The following FAM210A variants were observed in gnomAD, a reference collection of about 807,000 sequenced individuals.
The protein encoded by FAM210A is mitochondrial inner membrane scaffold 1.
Under a neutral mutation model 25.3 loss-of-function variants are expected in FAM210A, and 13 were observed. The ratio of observed to expected loss-of-function variants is 0.51; its 90% confidence interval spans 0.33 to 0.82. The LOEUF (loss-of-function observed/expected upper bound fraction) is 0.82, where lower values mean the gene tolerates loss of function less well. Ranked by LOEUF, FAM210A falls within the 40% of genes least tolerant of loss-of-function variation. The probability of loss-of-function intolerance (pLI) is 0.02; values close to 1 mark genes in which losing one functional copy is unlikely to be tolerated. For synonymous variants in FAM210A, 125 were observed against 118.7 expected (o/e 1.05, Z -0.35); for missense variants, 319 against 323.2 (o/e 0.99, Z 0.10).
At chr18:13,668,641 TCA>T (rs1242314892) in intron 3 of FAM210A, among the ~76,000 whole-genome samples, 2 of 152,172 alleles carry the variant, frequency 1.3e-5, no homozygotes, top group Non-Finnish European at 2.9e-5. Flanking sequence ...GTGTGAAACT[TCA>T]CAGAGTGTAC....
chr18:13,677,735 C>G (rs148746846), intron 2 of FAM210A, among the ~76,000 whole-genome samples: 271 of 152,188 alleles, frequency 1.8e-3, no homozygotes, highest in Admixed American at 4.1e-3. Flanking sequence ...GAGTTTGCCT[C>G]TTGGTGAAGG....
Position 13,714,196 on chromosome 18 carries a change from G to A in FAM210A, c.-29+12133C>T, listed in dbSNP as rs184573771. 1.2e-4 allele frequency among the ~76,000 whole-genome samples: 18 copies of A among 152,240 alleles called. No individual in the cohort carries two copies. In the East Asian group the frequency reaches 2.9e-3, roughly 24 times the overall value. On this transcript the variant is annotated intron_variant, in intron 1 of 3. Coordinates refer to ENST00000651643, the MANE Select transcript of FAM210A (RefSeq NM_152352.4). ...AGTAGTTTACAATCTAGTTATAAAC[G>A]GGTAATTAAATATTCCAAGATAGGA...
At chr18:13,685,800 C>A (rs2043592294) in intron 1 of FAM210A, among the ~76,000 whole-genome samples, 1 of 152,142 alleles carries the variant, frequency 6.6e-6, no homozygotes, top group Admixed American at 6.5e-5. Flanking sequence ...TCATTTGGTT[C>A]AAAATAAACC....
rs188954860 is a variant in FAM210A, at chr18:13,682,204, G to A, written c.-28-99C>T. ...ATCATTAACCATTAGGAAGTAAAAA[G>A]ACAGACACTGCTACATAATCCACAA... On this transcript the variant is annotated intron_variant, in intron 1 of 3. Transcript: ENST00000651643. 6.7e-5 allele frequency: 51 copies of A among 764,998 alleles called. No individual in the cohort carries two copies. In the East Asian group the frequency reaches 1.0e-3, roughly 16 times the overall value. 47.4% of individuals were successfully genotyped at this position (764,998 alleles called of 1,614,324 possible).
intron 1 of FAM210A, among the ~76,000 whole-genome samples, chr18:13,722,146 G>C (rs973239352): frequency 2.6e-5 from 4 of 151,950 alleles, no homozygotes; most frequent in Admixed American, 2.6e-4. Flanking sequence ...GAATTCAGTA[G>C]ACTGCCCAAC....
chr18:13,716,267 C>T (rs1407520286), intron 1 of FAM210A, among the ~76,000 whole-genome samples: 1 of 152,192 alleles, frequency 6.6e-6, no homozygotes, highest in Admixed American at 6.5e-5. Context: ...TGGCTGCCTA[C>T]TAAGCATCCT....
At chr18:13,716,832 A>G (rs537876645) in intron 1 of FAM210A, among the ~76,000 whole-genome samples, 1 of 152,286 alleles carries the variant, frequency 6.6e-6, no homozygotes, top group African/African-American at 2.4e-5. Flanking sequence ...CTCTCCAGCC[A>G]TGCTGAACTG....
intron 1 of FAM210A, among the ~76,000 whole-genome samples, chr18:13,706,352 T>TG (rs35089359): frequency 0.34 from 50,110 of 146,878 alleles, 9,309 homozygotes; most frequent in Non-Finnish European, 0.44. Context: ...GAAATGAAAA[T>TG]GGGGGGGGGT....
At chr18:13,684,626 C>T (rs777692028) in intron 1 of FAM210A, among the ~76,000 whole-genome samples, 2 of 152,108 alleles carry the variant, frequency 1.3e-5, no homozygotes, top group Non-Finnish European at 2.9e-5. Flanking sequence ...GTCAACACTC[C>T]GGTCAACAAC....
At chr18:13,703,073 T>C (rs551095075) in intron 1 of FAM210A, among the ~76,000 whole-genome samples, 2 of 152,360 alleles carry the variant, frequency 1.3e-5, no homozygotes, top group South Asian at 4.1e-4. Flanking sequence ...GAAAAACTTC[T>C]GTTTTCCTCA....
At chr18:13,691,422 C>T (rs1412900636) in intron 1 of FAM210A, among the ~76,000 whole-genome samples, 1 of 152,096 alleles carries the variant, frequency 6.6e-6, no homozygotes, top group East Asian at 1.9e-4. Context: ...AAAGATACTC[C>T]ACAAGAAGAG....
intron 1 of FAM210A, among the ~76,000 whole-genome samples, chr18:13,705,463 T>C (rs1268068250): frequency 2.6e-5 from 4 of 151,976 alleles, no homozygotes; most frequent in South Asian, 2.1e-4. Context: ...ACCTTATACA[T>C]TGCTAAAATA....
intron 1 of FAM210A, among the ~76,000 whole-genome samples, chr18:13,699,703 A>G (rs1601959347): frequency 2.0e-5 from 3 of 147,804 alleles, no homozygotes; most frequent in Middle Eastern, 3.5e-3. Flanking sequence ...ACATTTTCTT[A>G]GCCTTCTCCT....
chr18:13,713,723 A>ACAC (rs1568489030), intron 1 of FAM210A, among the ~76,000 whole-genome samples: 1 of 9,228 alleles, frequency 1.1e-4, no homozygotes, highest in Non-Finnish European at 2.7e-4. Flanking sequence ...ATGTCACTAT[A>ACAC]AAACACACAC....
At chr18:13,686,742 ATATTCAT>A (rs1426473776) in intron 1 of FAM210A, among the ~76,000 whole-genome samples, 1 of 152,234 alleles carries the variant, frequency 6.6e-6, no homozygotes, top group African/African-American at 2.4e-5. Flanking sequence ...TACTAACCCT[ATATTCAT>A]TATTCATTAA....
chr18:13,709,831 C>T (rs915352851), intron 1 of FAM210A, among the ~76,000 whole-genome samples: 3 of 152,114 alleles, frequency 2.0e-5, no homozygotes, highest in African/African-American at 7.2e-5. Flanking sequence ...AGTTATTGAC[C>T]CCATTTTCCT....
Position 13,666,704 on chromosome 18 carries a change from G to A in FAM210A, c.595C>T (p.Pro199Ser). Residue 199 changes from proline (P) to serine (S), a missense_variant, in exon 4 of 4, where the codon CCT (proline) becomes TCT (serine). Transcript: ENST00000651643. ...CCCAAAGTCACGGTATACCGAGCAGGTGTTGCAATCTTAAGCAAAAAGCAA... is the reference window on the plus strand; with the variant it reads ...CCCAAAGTCACGGTATACCGAGCAGATGTTGCAATCTTAAGCAAAAAGCAA... Reference protein sequence around the residue: ...TAYALFKIATPARYTVTLGGT... With the variant: ...TAYALFKIATSARYTVTLGGT... 6.2e-7 allele frequency: 1 copy of A among 1,611,908 alleles called. No homozygotes were observed. The highest frequency in any genetic ancestry group is 8.5e-7 in the Non-Finnish European group (1 of 1,178,434).
rs190089351 is a variant in FAM210A at position 13,723,634 on chromosome 18, A to T, written c.-29+2695T>A. ...CACATTATTTAGGGTAATATCCTTT[A>T]GTTTAGGTCAACTGATTATAGATGT... On this transcript the variant is annotated intron_variant, in intron 1 of 3. Transcript: ENST00000651643. 2.3e-3 allele frequency among the ~76,000 whole-genome samples: 351 copies of T among 152,328 alleles called. 2 individuals are homozygous for T. The highest frequency in any genetic ancestry group is 3.8e-3 in the Admixed American group (58 of 15,306).
intron 1 of FAM210A, among the ~76,000 whole-genome samples, chr18:13,698,027 T>C (rs1247416140): frequency 6.6e-6 from 1 of 152,150 alleles, no homozygotes; most frequent in Non-Finnish European, 1.5e-5. Flanking sequence ...TTTGGTCAGG[T>C]ACAGTGGCTC....
Sources: allele counts gnomAD v4.1 joint callset (sites outside exome capture counted in the v4.1 genomes callset), GRCh38; gene constraint gnomAD v4.1.1; transcripts MANE v1.5; gene names NCBI Gene and HGNC (gene_info 2026-07-23, HGNC 2026-07-21).